Variants in SLC19A1 observed in about 807,000 individuals in gnomAD.
SLC19A1 encodes solute carrier family 19 member 1.
A neutral mutation model predicts 35.3 loss-of-function variants in SLC19A1; 37 were observed. The observed-to-expected ratio is 1.05, with a 90% CI of 0.81 to 1.38. The LOEUF is 1.38. Among genes scored for constraint, SLC19A1 ranks in the 40% most tolerant of loss-of-function variants. The pLI is 0.00. For missense variants in SLC19A1, 831 were observed against 826.9 expected, an observed-to-expected ratio of 1.00 and a Z score of -0.06; for synonymous variants, 460 against 398.5, an observed-to-expected ratio of 1.15 and a Z score of -1.84.
downstream of SLC19A1, among the ~76,000 whole-genome samples, chr21:45,510,462 A>C (rs2037514426): frequency 6.6e-6 from 1 of 152,092 alleles, no homozygotes. Flanking sequence ...ATCCCTGGGC[A>C]CTGCCACGTC....
intron 1 of SLC19A1, among the ~76,000 whole-genome samples, chr21:45,538,905 G>A (rs1039084888): frequency 6.6e-6 from 1 of 152,178 alleles, no homozygotes; most frequent in African/African-American, 2.4e-5. Flanking sequence ...CACGGCCAGG[G>A]CACGTGGTGG....
At chr21:45,510,060 G>C, downstream of SLC19A1, 4 of 1,555,828 alleles carry the variant, frequency 2.6e-6, no homozygotes, top group Non-Finnish European at 3.5e-6. Context: ...CCCTCTCCCC[G>C]CAGCTCCACC....
At chr21:45,527,821 A>G (rs1334229494) in intron 4 of SLC19A1, among the ~76,000 whole-genome samples, 1 of 151,934 alleles carries the variant, frequency 6.6e-6, no homozygotes, top group Non-Finnish European at 1.5e-5. Context: ...GGTGGCATGA[A>G]CATGTCCAGG....
At chr21:45,550,725 T>C (rs2078457147) in intron 1 of SLC19A1, among the ~76,000 whole-genome samples, 1 of 152,210 alleles carries the variant, frequency 6.6e-6, no homozygotes, top group African/African-American at 2.4e-5. Context: ...TGTTCCTGGA[T>C]GACTGGCGTT....
rs1475178734 is a variant in SLC19A1 at position 45,530,886 on chromosome 21, C to T, written c.1035G>A (p.Thr345=). Residue 345 remains threonine (T), a synonymous_variant, in exon 4 of 6, where the codon ACG becomes ACA. Transcript: ENST00000311124. The surrounding 1 kb of genome is among the most constrained non-coding windows in gnomAD (Gnocchi z 5.3). ...CCAGAAGGAAGACCAGCCCCGCCTG[C>T]GTGGCCGTGACGCCCGCGATGAGCA... is the stretch of plus-strand genomic sequence containing the variant. ...SKLLIAGVTA[T]QAGLVFLLAH... is the part of the protein sequence containing the mutation. 6.1e-6 allele frequency: 9 copies of T among 1,482,118 alleles called. No homozygotes were observed. The highest frequency in any genetic ancestry group is 2.7e-5 in the South Asian group (2 of 73,560). The allele number at this position is 1,482,118 out of a possible 1,614,324, so 91.8% of individuals were successfully genotyped here.
At chr21:45,508,736 C>T (rs185617352), downstream of SLC19A1, among the ~76,000 whole-genome samples, 16 of 152,262 alleles carry the variant, frequency 1.1e-4, no homozygotes, top group African/African-American at 3.9e-4. Context: ...TTCTTTCATT[C>T]AGCCAGTCAA....
At chr21:45,506,332 T>A in intron 3 of SLC19A1, 1 of 360,774 alleles carries the variant, frequency 2.8e-6, no homozygotes, top group South Asian at 2.2e-5. Context: ...CCACGTGACG[T>A]CCACAGCACG....
chr21:45,507,882 C>T (rs2037317057), downstream of SLC19A1, among the ~76,000 whole-genome samples: 1 of 152,228 alleles, frequency 6.6e-6, no homozygotes, highest in Non-Finnish European at 1.5e-5. Flanking sequence ...AGGTCAAAAT[C>T]CTTGGGGCCA....
downstream of SLC19A1, among the ~76,000 whole-genome samples, chr21:45,508,189 G>A (rs2037342462): frequency 6.6e-6 from 1 of 151,770 alleles, no homozygotes; most frequent in Non-Finnish European, 1.5e-5. Flanking sequence ...ATGGATGGAT[G>A]GTGGACAGGT....
downstream of SLC19A1, chr21:45,509,408 A>C (rs2037438008): frequency 6.5e-7 from 1 of 1,541,368 alleles, no homozygotes; most frequent in African/African-American, 1.4e-5. Flanking sequence ...CACGACAGCA[A>C]CCCCTACCCG....
downstream of SLC19A1, chr21:45,507,638 T>C (rs772844711): frequency 4.5e-6 from 7 of 1,571,688 alleles, no homozygotes; most frequent in Non-Finnish European, 5.2e-6. Flanking sequence ...GGTCAGGACA[T>C]GAGGGGGTAT....
chr21:45,538,351 G>T (rs1413988712), intron 1 of SLC19A1, among the ~76,000 whole-genome samples: 1 of 152,208 alleles, frequency 6.6e-6, no homozygotes, highest in Admixed American at 6.5e-5. Flanking sequence ...TAGGGTTTGG[G>T]GCCACACTAG....
intron 1 of SLC19A1, among the ~76,000 whole-genome samples, chr21:45,555,937 T>A (rs2078556887): frequency 6.6e-6 from 1 of 152,108 alleles, no homozygotes; most frequent in African/African-American, 2.4e-5. Context: ...ATGGCCACGG[T>A]GCGCATGCAG....
At chr21:45,531,321 C>G in intron 3 of SLC19A1, 68 bp downstream of exon 3, 1 of 1,521,066 alleles carries the variant, frequency 6.6e-7, no homozygotes, top group Non-Finnish European at 8.8e-7. Flanking sequence ...GGGAAGGATC[C>G]ACGGGGCAGG....
At chr21:45,560,753 C>G (rs549595947) in intron 1 of SLC19A1, among the ~76,000 whole-genome samples, 35 of 152,328 alleles carry the variant, frequency 2.3e-4, no homozygotes, top group Non-Finnish European at 3.7e-4. Context: ...ATGAGGAGGA[C>G]GAACCCAATG....
At position 45,540,141 on chromosome 21, in the gene SLC19A1, C is replaced by T. The variant is rs2078258055; in HGVS notation, c.-49-2133G>A. ...GCTCCATCACCAGGGACCCTGATGC[C>T]CAGAGAGGCCACGGGTAGAGCTGGA... On this transcript the variant is annotated intron_variant, in intron 1 of 5. Coordinates refer to ENST00000311124, the MANE Select transcript of SLC19A1 (RefSeq NM_194255.4). The surrounding 1 kb of genome is among the most constrained non-coding windows in gnomAD (Gnocchi z 5.5). Among the ~76,000 whole-genome samples the T allele has an allele frequency of 6.6e-6, 1 of 152,158 alleles. No individual in the cohort carries two copies. The highest frequency in any genetic ancestry group is 2.1e-4 in the South Asian group (1 of 4,826).
intron 5 of SLC19A1, among the ~76,000 whole-genome samples, chr21:45,521,763 G>T (rs1303585846): frequency 2.0e-5 from 3 of 152,146 alleles, no homozygotes; most frequent in African/African-American, 4.8e-5. Context: ...AATGGGGAGA[G>T]CTAAGTCTTT....
At position 45,513,765 on chromosome 21, in the gene SLC19A1, T is replaced by G. The variant is rs2037744967; in HGVS notation, c.*1893A>C. The G allele has an allele frequency of 1.3e-5, 2 of 152,260 alleles. No homozygotes were observed. Among genetic ancestry groups the G allele is most frequent in the Non-Finnish European group, 2.9e-5 (2 of 68,040 alleles). 9.4% of individuals were successfully genotyped at this position (152,260 alleles called of 1,614,324 possible). A position where few individuals can be genotyped will look rare whatever the true frequency, so the allele number is the denominator to read the frequency against. On this transcript the variant is annotated 3_prime_UTR_variant, in exon 6 of 6. Coordinates refer to ENST00000311124, the MANE Select transcript of SLC19A1 (RefSeq NM_194255.4). ...CTTCACTGTCACAGGAAGGACACAA[T>G]TCTCCAAAAGGAGTTCTCAGGAGTC...
At chr21:45,555,168 G>C (rs1241643177) in intron 1 of SLC19A1, among the ~76,000 whole-genome samples, 8 of 89,350 alleles carry the variant, frequency 9.0e-5, no homozygotes, top group East Asian at 7.8e-4. Context: ...GGCGGGGGCG[G>C]CGCAGGGGGC....
Sources: allele counts gnomAD v4.1 joint callset (sites outside exome capture counted in the v4.1 genomes callset), GRCh38; gene constraint gnomAD v4.1.1; non-coding constraint Gnocchi (gnomAD v3.1); transcripts MANE v1.5; gene names NCBI Gene and HGNC (gene_info 2026-07-23, HGNC 2026-07-21).